CENPW: variants seen among roughly 807,000 people sequenced by gnomAD.
The protein encoded by CENPW is cancer-up-regulated gene 2 protein.
In CENPW, 3 loss-of-function variants were observed where a neutral mutation model predicts 11.1. The observed-to-expected ratio is 0.27, with a 90% CI of 0.12 to 0.70. The LOEUF is 0.70. Ranked by LOEUF, CENPW falls within the 30% of genes least tolerant of loss-of-function variation. The pLI is 0.77. For synonymous variants in CENPW, 38 were observed against 42.0 expected (o/e 0.91, Z 0.37); for missense variants, 100 against 105.6 (o/e 0.95, Z 0.23).
chr6:126,425,332 C>A, the CENPW span, among the ~76,000 whole-genome samples: 1 of 152,072 alleles, frequency 6.6e-6, no homozygotes, highest in Non-Finnish European at 1.5e-5. Flanking sequence ...GTAGTGAAAT[C>A]ACCCACATCT....
At chr6:126,441,361 G>A in the CENPW span, among the ~76,000 whole-genome samples, 1 of 151,224 alleles carries the variant, frequency 6.6e-6, no homozygotes, top group Non-Finnish European at 1.5e-5. Context: ...AGAATTTTTT[G>A]TTCTCCCAGA....
the CENPW span, among the ~76,000 whole-genome samples, chr6:126,450,312 A>C: frequency 6.6e-6 from 1 of 151,104 alleles, no homozygotes; most frequent in Admixed American, 6.6e-5. Context: ...ATCTTGGGGT[A>C]AAGCTCCTGA....
the CENPW span, among the ~76,000 whole-genome samples, chr6:126,383,534 C>T: frequency 2.0e-5 from 3 of 151,934 alleles, no homozygotes; most frequent in Non-Finnish European, 4.4e-5. Context: ...AGACCCATCT[C>T]ACATGCAGTG....
the CENPW span, among the ~76,000 whole-genome samples, chr6:126,441,701 A>G: frequency 6.6e-6 from 1 of 151,488 alleles, no homozygotes; most frequent in African/African-American, 2.4e-5. Context: ...GAGAATATAC[A>G]ATGTGTGGTT....
chr6:126,386,161 T>C, the CENPW span, among the ~76,000 whole-genome samples: 1 of 152,216 alleles, frequency 6.6e-6, no homozygotes, highest in African/African-American at 2.4e-5. Context: ...ACGATCTAAT[T>C]AATTTTCACT....
At chr6:126,435,106 C>G in the CENPW span, among the ~76,000 whole-genome samples, 39 of 151,904 alleles carry the variant, frequency 2.6e-4, no homozygotes, top group Non-Finnish European at 5.2e-4. Flanking sequence ...GGTTAACATT[C>G]TCCTTGTAAT....
At chr6:126,406,388 A>G in the CENPW span, among the ~76,000 whole-genome samples, 2 of 152,132 alleles carry the variant, frequency 1.3e-5, no homozygotes, top group Non-Finnish European at 2.9e-5. Context: ...CATCAAGGAT[A>G]TTGAACTGTA....
chr6:126,405,215 A>G, the CENPW span, among the ~76,000 whole-genome samples: 12 of 152,114 alleles, frequency 7.9e-5, no homozygotes, highest in Non-Finnish European at 1.6e-4. Context: ...TCTTCTGCCT[A>G]TAAATATCCA....
Position 126,340,161 on chromosome 6 carries a change from C to T in CENPW, c.-113C>T. ...AACGTTCGGACTGAGGTTTTTCTGC[C>T]TGAAGAAGCGTCATACGGACCGGAT... On this transcript the variant is annotated 5_prime_UTR_variant, in exon 1 of 3. Coordinates refer to ENST00000368328, the MANE Select transcript of CENPW (RefSeq NM_001012507.4). The T allele has an allele frequency of 1.0e-6, 1 of 996,112 alleles. No individual in the cohort carries two copies. The highest frequency in any genetic ancestry group is 1.5e-6 in the Non-Finnish European group (1 of 657,472). The allele number at this position is 996,112 out of a possible 1,614,324, so 61.7% of individuals were successfully genotyped here. A position where few individuals can be genotyped will look rare whatever the true frequency, so the allele number is the denominator to read the frequency against.
chr6:126,474,738 G>T, the CENPW span, among the ~76,000 whole-genome samples: 1 of 152,014 alleles, frequency 6.6e-6, no homozygotes, highest in African/African-American at 2.4e-5. Context: ...CTTATTCACT[G>T]GTTTTACACT....
At chr6:126,445,304 G>A in the CENPW span, among the ~76,000 whole-genome samples, 1 of 151,220 alleles carries the variant, frequency 6.6e-6, no homozygotes, top group South Asian at 2.1e-4. Flanking sequence ...CCCATTTTGT[G>A]AATTCAGCTA....
the CENPW span, among the ~76,000 whole-genome samples, chr6:126,444,422 T>A: frequency 5.3e-5 from 8 of 151,104 alleles, no homozygotes; most frequent in Admixed American, 5.3e-4. Flanking sequence ...TTTTTCTATA[T>A]TCTGTTTTAT....
intron 2 of CENPW, 46 bp downstream of exon 2, chr6:126,346,364 A>G (rs1461484978): frequency 3.4e-6 from 4 of 1,192,066 alleles, no homozygotes; most frequent in Non-Finnish European, 4.9e-6. Flanking sequence ...AACTTCAAAA[A>G]TAACACTCGG....
chr6:126,377,494 A>C, the CENPW span, among the ~76,000 whole-genome samples: 1 of 152,150 alleles, frequency 6.6e-6, no homozygotes, highest in East Asian at 1.9e-4. Flanking sequence ...ATCTGTTATA[A>C]GTTTATGGGG....
chr6:126,443,466 T>G, the CENPW span, among the ~76,000 whole-genome samples: 1 of 151,284 alleles, frequency 6.6e-6, no homozygotes, highest in Non-Finnish European at 1.5e-5. Context: ...ACAAAAATAC[T>G]TCATAGATGG....
chr6:126,382,560 G>A, the CENPW span, among the ~76,000 whole-genome samples: 1 of 152,052 alleles, frequency 6.6e-6, no homozygotes, highest in African/African-American at 2.4e-5. Flanking sequence ...TAAAATGATA[G>A]CTGACAGAAA....
the CENPW span, among the ~76,000 whole-genome samples, chr6:126,407,929 G>C: frequency 6.6e-6 from 1 of 152,072 alleles, no homozygotes; most frequent in Non-Finnish European, 1.5e-5. Flanking sequence ...AAGTTCTTTA[G>C]TTTAATTAGA....
At chr6:126,355,250 T>C in the CENPW span, among the ~76,000 whole-genome samples, 1 of 152,280 alleles carries the variant, frequency 6.6e-6, no homozygotes, top group Admixed American at 6.5e-5. Flanking sequence ...TTAGTTTTGT[T>C]TTTGAAATAG....
chr6:126,348,365 T>A, intron 2 of CENPW, 101 bp from the exon 3 acceptor site: 1 of 661,050 alleles, frequency 1.5e-6, no homozygotes, highest in Non-Finnish European at 2.7e-6. Flanking sequence ...ATAAATTCAG[T>A]CTTGCATATT....
Sources: gnomAD v4.1 joint callset for allele counts (sites outside exome capture counted in the v4.1 genomes callset) on GRCh38, gnomAD v4.1.1 for gene constraint, MANE v1.5 for transcripts, NCBI Gene and HGNC (gene_info 2026-07-23, HGNC 2026-07-21) for gene names.